PPFIA1: variants seen among roughly 807,000 people sequenced by gnomAD.
PPFIA1 encodes PPFI scaffold protein A1, also known as liprin-alpha-1.
A neutral mutation model predicts 149.9 loss-of-function variants in PPFIA1; 25 were observed. The observed-to-expected ratio is 0.17, with a 90% CI of 0.12 to 0.23. The LOEUF is 0.23. Among genes scored for constraint, PPFIA1 ranks in the 10% least tolerant of loss-of-function variants. The pLI, the probability that PPFIA1 is intolerant of heterozygous loss-of-function variation, is 1.00. For missense variants in PPFIA1, 1,362 were observed against 1,506.5 expected (o/e 0.90, Z 1.59); for synonymous variants, 549 against 552.8 (o/e 0.99, Z 0.10).
intron 23 of PPFIA1, chr11:70,374,125 G>T (rs180718368): frequency 1.3e-5 from 2 of 152,304 alleles, no homozygotes; most frequent in East Asian, 1.9e-4. Flanking sequence ...TGTAATCTCA[G>T]CACTTTGGGA....
At chr11:70,381,112 T>C (rs2057695275) in intron 26 of PPFIA1, 1 of 152,106 alleles carries the variant, frequency 6.6e-6, no homozygotes, top group African/African-American at 2.4e-5. Context: ...GTTGACTATT[T>C]TAATGGCTTT....
intron 2 of PPFIA1, among the ~76,000 whole-genome samples, chr11:70,320,778 T>TCG (rs1190714647): frequency 6.6e-6 from 1 of 152,120 alleles, no homozygotes; most frequent in African/African-American, 2.4e-5. Flanking sequence ...GGTTTCCCCA[T>TCG]CTAAGGCAAT....
intron 2 of PPFIA1, among the ~76,000 whole-genome samples, chr11:70,283,147 C>G (rs113059168): frequency 2.0e-5 from 3 of 151,368 alleles, no homozygotes; most frequent in African/African-American, 7.3e-5. Flanking sequence ...ACCGACTGAC[C>G]GAGTGCTTTT....
intron 24 of PPFIA1, 65 bp from the exon 25 acceptor site, chr11:70,376,467 C>T (rs879259459): frequency 4.8e-6 from 7 of 1,471,918 alleles, no homozygotes; most frequent in Non-Finnish European, 6.6e-6. Flanking sequence ...AAAACAATTA[C>T]GATGCTAACA....
At chr11:70,335,799 C>T (rs1167766881) in intron 11 of PPFIA1, 105 bp downstream of exon 11, 6 of 1,296,892 alleles carry the variant, frequency 4.6e-6, no homozygotes, top group Middle Eastern at 1.9e-4. Context: ...CAGCTGTTAC[C>T]GAAAATGGGA....
At chr11:70,283,182 C>T (rs1280649050) in intron 2 of PPFIA1, among the ~76,000 whole-genome samples, 1 of 151,470 alleles carries the variant, frequency 6.6e-6, no homozygotes, top group African/African-American at 2.4e-5. Context: ...CAAATATTGC[C>T]TTTGGGCTTC....
intron 2 of PPFIA1, among the ~76,000 whole-genome samples, chr11:70,305,025 C>T (rs1374216028): frequency 6.6e-6 from 1 of 152,112 alleles, no homozygotes; most frequent in Non-Finnish European, 1.5e-5. Flanking sequence ...CTGCCAGCAT[C>T]ACCAGGCATG....
intron 2 of PPFIA1, among the ~76,000 whole-genome samples, chr11:70,286,879 C>T (rs544873070): frequency 2.7e-5 from 4 of 149,870 alleles, no homozygotes; most frequent in Non-Finnish European, 4.4e-5. Context: ...TACAGGTGTG[C>T]GCCACTATGG....
At chr11:70,355,086 G>A (rs2056284916) in intron 17 of PPFIA1, among the ~76,000 whole-genome samples, 1 of 151,980 alleles carries the variant, frequency 6.6e-6, no homozygotes, top group Non-Finnish European at 1.5e-5. Context: ...TGTATTTTTA[G>A]TAAAGATGGG....
intron 2 of PPFIA1, among the ~76,000 whole-genome samples, chr11:70,274,909 G>A (rs1278460918): frequency 6.6e-6 from 1 of 152,074 alleles, no homozygotes; most frequent in Non-Finnish European, 1.5e-5. Context: ...TGTAGAGGTG[G>A]GGTTTTACCA....
At chr11:70,337,678 A>G (rs1024023943) in intron 12 of PPFIA1, among the ~76,000 whole-genome samples, 3 of 152,254 alleles carry the variant, frequency 2.0e-5, no homozygotes, top group Non-Finnish European at 2.9e-5. Context: ...AAATATTAGC[A>G]TCAATGACAG....
At chr11:70,343,942 G>T (rs1035200373) in intron 15 of PPFIA1, 50 bp downstream of exon 15, 6 of 1,498,418 alleles carry the variant, frequency 4.0e-6, no homozygotes, top group Non-Finnish European at 5.5e-6. Flanking sequence ...TGTCTCTGAG[G>T]AATCTCATCT....
intron 21 of PPFIA1, among the ~76,000 whole-genome samples, chr11:70,371,056 C>G (rs2057210935): frequency 6.6e-6 from 1 of 152,112 alleles, no homozygotes; most frequent in African/African-American, 2.4e-5. Flanking sequence ...TGACTTGAAC[C>G]CTGGAGGCGA....
At chr11:70,339,390 T>G (rs370229907) in intron 14 of PPFIA1, 84 bp downstream of exon 14, 1 of 1,472,460 alleles carries the variant, frequency 6.8e-7, no homozygotes, top group African/African-American at 1.4e-5. Context: ...GGGATAAAAA[T>G]GTTGATAGGT....
At chr11:70,321,569 A>G (rs1164013004) in intron 2 of PPFIA1, among the ~76,000 whole-genome samples, 2 of 152,238 alleles carry the variant, frequency 1.3e-5, no homozygotes, top group Admixed American at 1.3e-4. Flanking sequence ...CCATGAAAAC[A>G]AACAAGAAAT....
intron 21 of PPFIA1, chr11:70,365,935 C>A (rs1660253266): frequency 2.2e-6 from 1 of 456,614 alleles, no homozygotes; most frequent in Non-Finnish European, 4.4e-6. Context: ...AACCACGTAA[C>A]CCCAGGAAGA....
At chr11:70,378,349 C>A (rs1330819577) in intron 26 of PPFIA1, 154 bp downstream of exon 26, 2 of 1,312,200 alleles carry the variant, frequency 1.5e-6, no homozygotes, top group East Asian at 5.7e-5. Flanking sequence ...TAAATTAACT[C>A]TAACATTTGT....
intron 2 of PPFIA1, among the ~76,000 whole-genome samples, chr11:70,291,211 T>C (rs2051504077): frequency 6.6e-6 from 1 of 152,156 alleles, no homozygotes; most frequent in South Asian, 2.1e-4. Context: ...TAAGGTGCTG[T>C]GAGGAAGCTA....
Position 70,354,338 on chromosome 11 carries a change from C to G in PPFIA1, c.2201C>G (p.Thr734Arg). 2 of 1,614,090 alleles carry G rather than the reference C, an allele frequency of 1.2e-6. No homozygotes were observed. Among genetic ancestry groups the G allele is most frequent in the Non-Finnish European group, 1.7e-6 (2 of 1,179,998 alleles). ...AGAGAAGAGGTACGAGATGACAAGA[C>G]AACCATAAAGTGTGAAACCTCCCCG... is the stretch of plus-strand genomic sequence containing the variant. The part of the protein sequence containing the change: ...PSREEVRDDK[T>R]TIKCETSPPS... Residue 734 changes from threonine (T) to arginine (R), a missense_variant, in exon 17 of 28, where the codon ACA (threonine) becomes AGA (arginine). Thr to Arg is a moderately conservative substitution (Grantham distance 71). Coordinates refer to ENST00000253925, the MANE Select transcript of PPFIA1 (RefSeq NM_003626.5).
Sources: allele counts gnomAD v4.1 joint callset (sites outside exome capture counted in the v4.1 genomes callset), GRCh38; gene constraint gnomAD v4.1.1; transcripts MANE v1.5; gene names NCBI Gene and HGNC (gene_info 2026-07-23, HGNC 2026-07-21).